The following CDH9 variants were observed in gnomAD, a reference collection of about 807,000 sequenced individuals.
CDH9 encodes the protein cadherin-9.
A neutral mutation model predicts 70.9 loss-of-function variants in CDH9; 28 were observed. The ratio of observed to expected loss-of-function variants is 0.40; its 90% CI spans 0.29 to 0.54. CDH9 has a LOEUF of 0.54. Ranked by LOEUF, CDH9 falls within the 20% of genes least tolerant of loss-of-function variation. CDH9 has a pLI of 0.59. For missense variants in CDH9, 874 were observed against 984.4 expected (o/e 0.89, Z 1.50); for synonymous variants, 409 against 343.1 (o/e 1.19, Z -2.12).
At position 27,004,736 on chromosome 5, in the gene CDH9, G is replaced by T. The variant is rs926698079; in HGVS notation, c.-49-16354C>A. ...GAAAGTCAAGGTTTTGATTTTGAAT[G>T]TTAAGATCGATCAATATGCCCTATT... On this transcript the variant is annotated intron_variant, in intron 1 of 11. Transcript: ENST00000231021. Among the ~76,000 whole-genome samples the T allele has an allele frequency of 8.5e-5, 13 of 152,066 alleles. 2 individuals are homozygous for T. The highest frequency in any genetic ancestry group is 3.2e-3 in the Middle Eastern group (1 of 316).
intron 1 of CDH9, among the ~76,000 whole-genome samples, chr5:27,000,460 T>C (rs1441175889): frequency 6.6e-6 from 1 of 152,116 alleles, no homozygotes; most frequent in Non-Finnish European, 1.5e-5. Flanking sequence ...TGGAAGATTC[T>C]ACACACCCAT....
intron 2 of CDH9, among the ~76,000 whole-genome samples, chr5:26,919,906 C>T (rs1381297509): frequency 2.0e-5 from 3 of 152,132 alleles, no homozygotes; most frequent in African/African-American, 7.2e-5. Context: ...GCAACACTTG[C>T]TGTGGGCCTT....
chr5:26,941,786 T>G (rs556696401), intron 2 of CDH9, among the ~76,000 whole-genome samples: 2 of 152,326 alleles, frequency 1.3e-5, no homozygotes, highest in South Asian at 4.1e-4. Flanking sequence ...TGTTTTCTCT[T>G]GCTTATAACG....
intron 2 of CDH9, among the ~76,000 whole-genome samples, chr5:26,959,000 A>T (rs986888897): frequency 6.6e-6 from 1 of 152,284 alleles, no homozygotes; most frequent in Middle Eastern, 3.4e-3. Flanking sequence ...AAGACAATAT[A>T]GGTAAATTGG....
chr5:26,989,723 A>G (rs1742549475), intron 1 of CDH9, among the ~76,000 whole-genome samples: 1 of 152,100 alleles, frequency 6.6e-6, no homozygotes, highest in African/African-American at 2.4e-5. Flanking sequence ...TAAGCCAGAA[A>G]CCCAATGTTG....
intron 1 of CDH9, among the ~76,000 whole-genome samples, chr5:27,003,889 T>G (rs1302093013): frequency 6.6e-6 from 1 of 151,946 alleles, no homozygotes; most frequent in Admixed American, 6.6e-5. Flanking sequence ...ATTTCTTCAT[T>G]AATTGTAAAA....
intron 6 of CDH9, chr5:26,903,383 C>T (rs771476967): frequency 3.3e-5 from 19 of 579,096 alleles, no homozygotes; most frequent in African/African-American, 5.7e-5. Flanking sequence ...AAATACAAAA[C>T]AAGTACCTTG....
At chr5:26,933,479 A>C (rs1741500934) in intron 2 of CDH9, among the ~76,000 whole-genome samples, 1 of 149,958 alleles carries the variant, frequency 6.7e-6, no homozygotes, top group Non-Finnish European at 1.5e-5. Flanking sequence ...AGCCAGGCTA[A>C]CTAAAAAAAA....
At chr5:26,932,630 A>G (rs1244403484) in intron 2 of CDH9, among the ~76,000 whole-genome samples, 1 of 151,976 alleles carries the variant, frequency 6.6e-6, no homozygotes, top group East Asian at 1.9e-4. Context: ...TATCTCTTTA[A>G]TCTATATTTG....
intron 2 of CDH9, among the ~76,000 whole-genome samples, chr5:26,919,226 C>A (rs923517565): frequency 3.3e-5 from 5 of 152,108 alleles, no homozygotes; most frequent in Non-Finnish European, 7.3e-5. Context: ...CCCCTTGCAC[C>A]AGCCACATGG....
In CDH9 at chr5:26,885,891, C is replaced by A. The variant is rs755233606; in HGVS notation, c.1631-26G>T. 1.4e-5 allele frequency: 22 copies of A among 1,605,802 alleles called. No individual in the cohort carries two copies. In the African/African-American group the frequency reaches 2.2e-4, roughly 16 times the overall value. ...CTGGGGGAGAAAACATGTAAAAAAA[C>A]AAAAACTTTCATATTTGTTTTTAAC... On this transcript the variant is annotated intron_variant, in intron 10 of 11. Transcript: ENST00000231021.
chr5:26,976,945 A>T (rs1186053472), intron 2 of CDH9, among the ~76,000 whole-genome samples: 1 of 151,870 alleles, frequency 6.6e-6, no homozygotes, highest in East Asian at 1.9e-4. Context: ...TCTTATTTGC[A>T]GATATATTAT....
At chr5:26,906,578 T>C in intron 4 of CDH9, 141 bp downstream of exon 4, 1 of 1,273,620 alleles carries the variant, frequency 7.9e-7, no homozygotes, top group South Asian at 1.7e-5. Flanking sequence ...TTGCATTTGT[T>C]TACATCCAAT....
intron 2 of CDH9, among the ~76,000 whole-genome samples, chr5:26,941,625 C>T (rs775602806): frequency 6.6e-6 from 1 of 152,158 alleles, no homozygotes; most frequent in Non-Finnish European, 1.5e-5. Context: ...GATGGAAAAG[C>T]CCCTGCAACA....
chr5:26,918,285 C>T (rs1454811705), intron 2 of CDH9, among the ~76,000 whole-genome samples: 3 of 152,050 alleles, frequency 2.0e-5, no homozygotes, highest in African/African-American at 7.2e-5. Context: ...TTTCATTTTA[C>T]AATTTCCTCC....
At chr5:26,963,302 G>A (rs1322162182) in intron 2 of CDH9, among the ~76,000 whole-genome samples, 1 of 152,092 alleles carries the variant, frequency 6.6e-6, no homozygotes, top group Non-Finnish European at 1.5e-5. Flanking sequence ...TCTAGCTTCT[G>A]GCTCTAATCC....
At chr5:26,926,921 C>CCCG (rs1554037349) in intron 2 of CDH9, among the ~76,000 whole-genome samples, 1 of 134,996 alleles carries the variant, frequency 7.4e-6, no homozygotes, top group Non-Finnish European at 1.6e-5. Flanking sequence ...AATACAGCCC[C>CCCG]CCCCCGCAAA....
At chr5:26,990,509 G>C (rs1742562750) in intron 1 of CDH9, among the ~76,000 whole-genome samples, 1 of 152,126 alleles carries the variant, frequency 6.6e-6, no homozygotes, top group Admixed American at 6.6e-5. Context: ...GTGGCTATTT[G>C]TAATCCTGTA....
At chr5:26,937,574 C>T (rs554700963) in intron 2 of CDH9, among the ~76,000 whole-genome samples, 10 of 152,158 alleles carry the variant, frequency 6.6e-5, no homozygotes, top group African/African-American at 2.4e-4. Context: ...TGGAATCAAA[C>T]AAGATGTCTC....
Sources: allele counts gnomAD v4.1 joint callset (sites outside exome capture counted in the v4.1 genomes callset), GRCh38; gene constraint gnomAD v4.1.1; transcripts MANE v1.5; gene names NCBI Gene and HGNC (gene_info 2026-07-23, HGNC 2026-07-21).